ANKRD11: variants seen among roughly 807,000 people sequenced by gnomAD.
ANKRD11 encodes the protein ankyrin repeat domain-containing protein 11.
In ANKRD11, 17 loss-of-function variants were observed where a neutral mutation model predicts 195.7. The ratio of observed to expected loss-of-function variants is 0.09; its 90% CI spans 0.06 to 0.13. The LOEUF is 0.13. Ranked by LOEUF, ANKRD11 falls within the 10% of genes least tolerant of loss-of-function variation. ANKRD11 has a pLI of 1.00. For synonymous variants in ANKRD11, 1,953 were observed against 1,528.1 expected (o/e 1.28, Z -6.49); for missense variants, 3,735 against 3,566.1 (o/e 1.05, Z -1.21).
At chr16:89,408,378 C>A (rs1366632658) in intron 2 of ANKRD11, among the ~76,000 whole-genome samples, 1 of 152,244 alleles carries the variant, frequency 6.6e-6, no homozygotes, top group Admixed American at 6.5e-5. Context: ...ACAGAAAGGC[C>A]AGCATCAGCA....
In ANKRD11 at chr16:89,421,174, C is replaced by T. The variant is rs527376550; in HGVS notation, c.-144-2806G>A. Among the ~76,000 whole-genome samples the T allele has an allele frequency of 3.6e-5, 5 of 138,950 alleles. No homozygotes were observed. In the South Asian group the frequency reaches 1.2e-3, roughly 34 times the overall value. The allele number at this position is 138,950 out of a possible 152,430, so 91.2% of individuals were successfully genotyped here. ...CGGAGTCAGGGATGGGACCATCACC[C>T]GTCCATGTCTGGGGGTGGGGGTGAG... is the stretch of plus-strand genomic sequence containing the variant. On this transcript the variant is annotated intron_variant, in intron 1 of 12. Transcript: ENST00000301030.
In ANKRD11 at chr16:89,284,649, T is replaced by C. The variant is rs2034517134; in HGVS notation, c.1893A>G (p.Lys631=). The C allele has an allele frequency of 1.9e-6, 3 of 1,614,090 alleles. No individual in the cohort carries two copies. Among genetic ancestry groups the C allele is most frequent in the East Asian group, 2.2e-5 (1 of 44,872 alleles). ...TTTTGTGTTTGTGTTTTGTTTTATG[T>C]TTTTTGACAACTTTCCCCTCCTTGT... ...KLDKEGKVVK[K]HKTKHKHKNK... The change falls in exon 9 of 13, where the codon AAA becomes AAG. Residue 631 remains lysine, a synonymous_variant. Coordinates refer to ENST00000301030, the MANE Select transcript of ANKRD11 (RefSeq NM_013275.6).
intron 4 of ANKRD11, among the ~76,000 whole-genome samples, chr16:89,292,762 G>A (rs558514328): frequency 1.3e-5 from 2 of 152,184 alleles, no homozygotes; most frequent in African/African-American, 4.8e-5. Flanking sequence ...AGGCAGCCTC[G>A]CCACCGGCCA....
chr16:89,313,768 G>C (rs1259854777), intron 3 of ANKRD11, among the ~76,000 whole-genome samples: 4 of 152,160 alleles, frequency 2.6e-5, no homozygotes, highest in African/African-American at 9.7e-5. Context: ...TCTTCTAACA[G>C]CAGCTGCAAC....
At chr16:89,472,679 G>T (rs1383080612) in intron 1 of ANKRD11, among the ~76,000 whole-genome samples, 2 of 152,202 alleles carry the variant, frequency 1.3e-5, no homozygotes, top group African/African-American at 4.8e-5. Flanking sequence ...GACCACAGAG[G>T]TGTTACTGTT....
chr16:89,394,641 A>C (rs2041346042), intron 2 of ANKRD11, among the ~76,000 whole-genome samples: 1 of 151,930 alleles, frequency 6.6e-6, no homozygotes, highest in African/African-American at 2.4e-5. Flanking sequence ...AAAAAAAAAA[A>C]ACAAACAACC....
chr16:89,288,603 T>C lies in ANKRD11; in HGVS notation c.669A>G (p.Ala223=). 3 of 1,614,080 alleles carry C rather than the reference T, an allele frequency of 1.9e-6. No homozygotes were observed. The highest frequency in any genetic ancestry group is 1.7e-6 in the Non-Finnish European group (2 of 1,180,036). The part of the protein sequence containing the change: ...YYDVAKQLLA[A]GAEVNTKGLD... ...GGCCCTTGGTGTTCACCTCCGCACC[T>C]GCAGCCAGCAGCTGCTTCGCGACGT... is the stretch of plus-strand genomic sequence containing the variant. Residue 223 remains alanine (A), a synonymous_variant, in exon 7 of 13, where the codon GCA becomes GCG. Coordinates refer to ENST00000301030, the MANE Select transcript of ANKRD11 (RefSeq NM_013275.6).
chr16:89,326,585 T>C (rs2037736288), intron 2 of ANKRD11, among the ~76,000 whole-genome samples: 1 of 151,590 alleles, frequency 6.6e-6, no homozygotes. Context: ...TACAAAAATA[T>C]CAAAAAATTA....
chr16:89,308,424 C>T lies in ANKRD11; in HGVS notation c.88-3080G>A, dbSNP rs995586835. On this transcript the variant is annotated intron_variant, in intron 3 of 12. Transcript: ENST00000301030. The stretch of plus-strand genomic sequence containing the variant: ...GACAGAAGGAACACTGTCCCCAGGT[C>T]CACGGTCAAGGCAAGACTGCCTACA... Among the ~76,000 whole-genome samples the T allele has an allele frequency of 1.1e-4, 16 of 152,336 alleles. No individual in the cohort carries two copies. In the Middle Eastern group the frequency reaches 0.01, roughly 97 times the overall value.
intron 1 of ANKRD11, among the ~76,000 whole-genome samples, chr16:89,463,210 T>C (rs2056760699): frequency 3.3e-5 from 5 of 152,176 alleles, no homozygotes; most frequent in Admixed American, 3.3e-4. Flanking sequence ...ATGATGACAG[T>C]GGCGGTTTTG....
At chr16:89,350,733 C>T (rs1050523744) in intron 2 of ANKRD11, among the ~76,000 whole-genome samples, 1 of 152,184 alleles carries the variant, frequency 6.6e-6, no homozygotes, top group African/African-American at 2.4e-5. Context: ...GGGAACAAGA[C>T]AGTTCCAACT....
intron 4 of ANKRD11, chr16:89,300,149 G>A (rs2035755910): frequency 4.7e-6 from 1 of 211,146 alleles, no homozygotes; most frequent in Non-Finnish European, 9.4e-6. Context: ...TGGGGTGCCT[G>A]CCCTGTGTGG....
At chr16:89,303,392 G>A (rs1330483006) in intron 4 of ANKRD11, among the ~76,000 whole-genome samples, 2 of 152,172 alleles carry the variant, frequency 1.3e-5, no homozygotes, top group South Asian at 2.1e-4. Flanking sequence ...CAGCACCGCT[G>A]GGAGCTCCAG....
Position 89,419,618 on chromosome 16 carries a change from C to T in ANKRD11, c.-144-1250G>A, listed in dbSNP as rs150300059. On this transcript the variant is annotated intron_variant, in intron 1 of 12. Transcript: ENST00000301030. ...GCTCTCCTCCAACTCCAAACACTTC[C>T]GTGTGCAGAACCAGGGAAGGAAGCA... Among the ~76,000 whole-genome samples the T allele has an allele frequency of 4.6e-3, 699 of 152,274 alleles. 7 individuals carry two copies. The highest frequency in any genetic ancestry group is 0.016 in the African/African-American group (644 of 41,546).
intron 3 of ANKRD11, among the ~76,000 whole-genome samples, chr16:89,310,381 C>T (rs2036545478): frequency 6.6e-6 from 1 of 152,238 alleles, no homozygotes; most frequent in African/African-American, 2.4e-5. Flanking sequence ...TGTCTGCATC[C>T]TCCAATTCTG....
chr16:89,380,326 G>T (rs2040590175), intron 2 of ANKRD11, among the ~76,000 whole-genome samples: 1 of 152,142 alleles, frequency 6.6e-6, no homozygotes, highest in African/African-American at 2.4e-5. Flanking sequence ...TGGCCAAGCT[G>T]GTCTCAAACT....
At chr16:89,316,432 C>T (rs1163839359) in intron 3 of ANKRD11, among the ~76,000 whole-genome samples, 1 of 152,180 alleles carries the variant, frequency 6.6e-6, no homozygotes. Context: ...CCCCAGGAAA[C>T]TGCATCACCC....
chr16:89,366,124 C>A (rs1038189627), intron 2 of ANKRD11, among the ~76,000 whole-genome samples: 2 of 122,268 alleles, frequency 1.6e-5, no homozygotes, highest in African/African-American at 6.6e-5. Context: ...AGTGAGACTC[C>A]ATCTCAAAAA....
chr16:89,276,928 C>A (rs1344972623), intron 9 of ANKRD11, among the ~76,000 whole-genome samples: 1 of 151,870 alleles, frequency 6.6e-6, no homozygotes, highest in Non-Finnish European at 1.5e-5. Context: ...TGGTGGTGGG[C>A]GCCTGTAATC....
Sources: allele counts gnomAD v4.1 joint callset (sites outside exome capture counted in the v4.1 genomes callset), GRCh38; gene constraint gnomAD v4.1.1; transcripts MANE v1.5; gene names NCBI Gene and HGNC (gene_info 2026-07-23, HGNC 2026-07-21).